The following TNFRSF21 variants were observed in gnomAD, a reference collection of about 807,000 sequenced individuals.
TNFRSF21 encodes tumor necrosis factor receptor superfamily member 21.
TNFRSF21 carries 19 observed loss-of-function variants against 45.6 expected under a neutral mutation model. The ratio of observed to expected loss-of-function variants is 0.42; its 90% CI spans 0.29 to 0.61. TNFRSF21 has a LOEUF of 0.61. Ranked by LOEUF, TNFRSF21 falls within the 20% of genes least tolerant of loss-of-function variation. TNFRSF21 has a pLI of 0.23. For synonymous variants in TNFRSF21, 314 were observed against 335.5 expected (o/e 0.94, Z 0.70); for missense variants, 737 against 851.5 (o/e 0.87, Z 1.67).
At chr6:47,270,552 G>A (rs966065741) in intron 3 of TNFRSF21, among the ~76,000 whole-genome samples, 2 of 152,196 alleles carry the variant, frequency 1.3e-5, no homozygotes, top group African/African-American at 4.8e-5. Flanking sequence ...CCACAAAGAT[G>A]GGGAGAAATC....
At chr6:47,299,482 G>A (rs1274301229) in intron 1 of TNFRSF21, among the ~76,000 whole-genome samples, 2 of 152,028 alleles carry the variant, frequency 1.3e-5, no homozygotes, top group Admixed American at 6.6e-5. Flanking sequence ...GGGACAGAGC[G>A]AGACTCTGTC....
rs1762954464 is a variant in TNFRSF21, at chr6:47,307,330, TTGCAAATCCAG to T, written c.96+2075_96+2085del. ...CAAACTTAAATTGTCAGGTCTTTAG[TTGCAAATCCAG>T]TGCACAATTTTTAGGGTAGGTTGAG... On this transcript the variant is annotated intron_variant, in intron 1 of 5. Transcript: ENST00000296861. Among the ~76,000 whole-genome samples, 4 of 152,336 alleles carry T rather than the reference TTGCAAATCCAG, an allele frequency of 2.6e-5. No homozygotes were observed. In the South Asian group the frequency reaches 8.3e-4, roughly 32 times the overall value.
At chr6:47,253,558 T>C (rs759476249) in intron 3 of TNFRSF21, 37 bp from the exon 4 acceptor site, 6 of 1,595,822 alleles carry the variant, frequency 3.8e-6, no homozygotes, top group Non-Finnish European at 8.5e-7. Flanking sequence ...AATGAGGGCT[T>C]GTAAGGGAAG....
chr6:47,235,055 C>T (rs1764647086), intron 4 of TNFRSF21, among the ~76,000 whole-genome samples, 157 bp from the exon 5 acceptor site: 1 of 152,090 alleles, frequency 6.6e-6, no homozygotes, highest in African/African-American at 2.4e-5. Context: ...TTGCTAGACA[C>T]ATACACAGAC....
chr6:47,247,927 T>C (rs1582320284), intron 4 of TNFRSF21, among the ~76,000 whole-genome samples: 1 of 152,170 alleles, frequency 6.6e-6, no homozygotes, highest in Admixed American at 6.5e-5. Context: ...CCACTGGTTG[T>C]GAAATTATAG....
intron 4 of TNFRSF21, among the ~76,000 whole-genome samples, chr6:47,236,152 G>T (rs1764663909): frequency 6.6e-6 from 1 of 152,182 alleles, no homozygotes; most frequent in Non-Finnish European, 1.5e-5. Context: ...CTCAACTCAG[G>T]CCTGCTTGAC....
At chr6:47,250,097 T>C (rs533346710) in intron 4 of TNFRSF21, among the ~76,000 whole-genome samples, 2 of 152,262 alleles carry the variant, frequency 1.3e-5, no homozygotes, top group South Asian at 2.1e-4. Flanking sequence ...TCTCTAATTA[T>C]CAAAAGCTAT....
chr6:47,234,770 GTTC>G lies in TNFRSF21; in HGVS notation c.1635_1637del (p.Lys545del), dbSNP rs753543981. Reference sequence around the variant, plus strand: ...CCGACTCATCCACGAAGAAGCCCTTGTTCTTGTCCTGTGGGGAAGGCTCCACCG... The same window carrying G: ...CCGACTCATCCACGAAGAAGCCCTTGTTGTCCTGTGGGGAAGGCTCCACCG... On this transcript the variant is annotated inframe_deletion, in exon 5 of 6. Transcript: ENST00000296861. 6.2e-7 allele frequency: 1 copy of G among 1,605,422 alleles called. No individual in the cohort carries two copies. Among genetic ancestry groups the G allele is most frequent in the East Asian group, 2.3e-5 (1 of 44,418 alleles).
chr6:47,255,756 C>G (rs371005905), intron 3 of TNFRSF21, among the ~76,000 whole-genome samples: 1 of 152,138 alleles, frequency 6.6e-6, no homozygotes. Flanking sequence ...AGCCACCATG[C>G]CTGGCCAATA....
intron 3 of TNFRSF21, among the ~76,000 whole-genome samples, chr6:47,277,633 G>A (rs1293130372): frequency 3.9e-5 from 6 of 152,176 alleles, no homozygotes; most frequent in South Asian, 2.1e-4. Context: ...CCTGGCTCAC[G>A]CAGCTGGTAA....
chr6:47,305,091 A>G (rs758404912), intron 1 of TNFRSF21, among the ~76,000 whole-genome samples: 17 of 152,194 alleles, frequency 1.1e-4, no homozygotes, highest in Non-Finnish European at 2.5e-4. Context: ...TAAAGATTTT[A>G]ACATCAATCA....
At chr6:47,247,002 G>A (rs1764834312) in intron 4 of TNFRSF21, among the ~76,000 whole-genome samples, 1 of 152,170 alleles carries the variant, frequency 6.6e-6, no homozygotes, top group Non-Finnish European at 1.5e-5. Flanking sequence ...CACCACAAGT[G>A]AGTTATTGAA....
intron 4 of TNFRSF21, among the ~76,000 whole-genome samples, chr6:47,238,637 A>G (rs895636592): frequency 2.0e-5 from 3 of 152,230 alleles, no homozygotes; most frequent in African/African-American, 7.2e-5. Flanking sequence ...GTCCAAACTG[A>G]TAAGGGAAGA....
At chr6:47,275,229 A>G (rs2113859872) in intron 3 of TNFRSF21, among the ~76,000 whole-genome samples, 1 of 152,336 alleles carries the variant, frequency 6.6e-6, no homozygotes, top group South Asian at 2.1e-4. Context: ...AGCACTATTC[A>G]CAATAGCAAA....
chr6:47,258,630 G>A (rs1400281859), intron 3 of TNFRSF21, among the ~76,000 whole-genome samples: 1 of 151,992 alleles, frequency 6.6e-6, no homozygotes, highest in Non-Finnish European at 1.5e-5. Context: ...GTAGAGACGG[G>A]GTTTTGCCAT....
rs182264566 is a variant in TNFRSF21, at chr6:47,251,472, C to T, written c.1509+1784G>A. Among the ~76,000 whole-genome samples, 92 of 152,294 alleles carry T rather than the reference C, an allele frequency of 6.0e-4. 1 individual carries two copies. Among genetic ancestry groups the T allele is most frequent in the African/African-American group, 2.1e-3 (87 of 41,576 alleles). On this transcript the variant is annotated intron_variant, in intron 4 of 5. Transcript: ENST00000296861. ...ACTTAGGAAGAAGCTGCTTTGTTCT[C>T]TCATTCGTTGACCTAATGATTTTAT...
chr6:47,277,003 GT>G (rs1237829170), intron 3 of TNFRSF21, among the ~76,000 whole-genome samples: 2 of 151,972 alleles, frequency 1.3e-5, no homozygotes, highest in Non-Finnish European at 2.9e-5. Flanking sequence ...GTTTTGTTTT[GT>G]TTTTTTGAGA....
intron 1 of TNFRSF21, among the ~76,000 whole-genome samples, chr6:47,304,428 A>G (rs1384430570): frequency 2.0e-5 from 3 of 152,188 alleles, no homozygotes; most frequent in Non-Finnish European, 4.4e-5. Context: ...CTTCGTGGAT[A>G]TAGTTGCCTG....
chr6:47,288,097 T>C (rs2113865474), intron 1 of TNFRSF21, among the ~76,000 whole-genome samples: 1 of 152,366 alleles, frequency 6.6e-6, no homozygotes, highest in Non-Finnish European at 1.5e-5. Flanking sequence ...CCAGAAGGTA[T>C]GCAACAACGC....
Sources: allele counts gnomAD v4.1 joint callset (sites outside exome capture counted in the v4.1 genomes callset), GRCh38; gene constraint gnomAD v4.1.1; transcripts MANE v1.5; gene names NCBI Gene and HGNC (gene_info 2026-07-23, HGNC 2026-07-21).